ANP32B: variants seen among roughly 807,000 people sequenced by gnomAD.
ANP32B encodes the protein acidic leucine-rich nuclear phosphoprotein 32 family member B.
A neutral mutation model predicts 32.2 loss-of-function variants in ANP32B; 6 were observed. The observed-to-expected ratio is 0.19, with a 90% CI of 0.10 to 0.37. ANP32B has a LOEUF of 0.37. ANP32B is among the 10% of genes least tolerant of loss of function. The probability of loss-of-function intolerance (pLI) is 1.00; values close to 1 mark genes in which losing one functional copy is unlikely to be tolerated. For missense variants in ANP32B, 204 were observed against 289.2 expected, an observed-to-expected ratio of 0.71 and a Z score of 2.14; for synonymous variants, 98 against 105.8, an observed-to-expected ratio of 0.93 and a Z score of 0.45.
intron 2 of ANP32B, among the ~76,000 whole-genome samples, chr9:97,996,542 CATGA>C (rs1172828430): frequency 6.6e-6 from 1 of 152,130 alleles, no homozygotes. Flanking sequence ...TGAGTGTACT[CATGA>C]TTGATAAGAA....
At chr9:97,989,356 A>G (rs1827787809) in intron 1 of ANP32B, among the ~76,000 whole-genome samples, 1 of 152,188 alleles carries the variant, frequency 6.6e-6, no homozygotes. Context: ...TGAGTTAAGT[A>G]GGAGGTAGTA....
chr9:97,985,073 C>G (rs1302338703), intron 1 of ANP32B, among the ~76,000 whole-genome samples: 5 of 150,482 alleles, frequency 3.3e-5, no homozygotes, highest in Non-Finnish European at 6.0e-5. Flanking sequence ...CGAGCCCCCC[C>G]CCCGCCGCGG....
chr9:97,994,308 T>A (rs1827872709), intron 1 of ANP32B, among the ~76,000 whole-genome samples: 1 of 152,120 alleles, frequency 6.6e-6, no homozygotes. Flanking sequence ...AAGCTGCCCT[T>A]TGGGGAACAG....
At chr9:98,014,516 G>A (rs1040129166) in intron 6 of ANP32B, among the ~76,000 whole-genome samples, 1 of 152,068 alleles carries the variant, frequency 6.6e-6, no homozygotes, top group African/African-American at 2.4e-5. Context: ...AAGTCTCTGT[G>A]TCTCGACTAC....
intron 4 of ANP32B, among the ~76,000 whole-genome samples, chr9:98,005,488 C>T (rs1365975240): frequency 2.6e-5 from 4 of 151,942 alleles, no homozygotes; most frequent in Non-Finnish European, 4.4e-5. Flanking sequence ...TTCCCCACTG[C>T]ACTCCGTCTC....
chr9:98,015,546 C>A lies in ANP32B; in HGVS notation c.*115C>A. ...GCTGTGATACAAACCCCAGGACACC[C>A]ACCCACCCAAAGAGCCAAAGAATAG... On this transcript the variant is annotated 3_prime_UTR_variant, in exon 7 of 7. Coordinates refer to ENST00000339399, the MANE Select transcript of ANP32B (RefSeq NM_006401.3). The A allele has an allele frequency of 7.1e-7, 1 of 1,417,550 alleles. No individual in the cohort carries two copies. The highest frequency in any genetic ancestry group is 2.6e-5 in the East Asian group (1 of 38,616). 87.8% of individuals were successfully genotyped at this position (1,417,550 alleles called of 1,614,324 possible).
At chr9:97,990,033 T>A (rs1827797433) in intron 1 of ANP32B, among the ~76,000 whole-genome samples, 1 of 152,202 alleles carries the variant, frequency 6.6e-6, no homozygotes, top group African/African-American at 2.4e-5. Context: ...CTTTTGGCCC[T>A]AAGAAAAGAA....
intron 2 of ANP32B, among the ~76,000 whole-genome samples, chr9:97,996,425 T>G (rs1195430171): frequency 1.3e-5 from 2 of 152,198 alleles, no homozygotes; most frequent in African/African-American, 2.4e-5. Context: ...TTGTTGGTTT[T>G]GGGTGGGAGG....
At chr9:98,013,355 G>A (rs2131593555) in intron 6 of ANP32B, among the ~76,000 whole-genome samples, 1 of 152,218 alleles carries the variant, frequency 6.6e-6, no homozygotes, top group Non-Finnish European at 1.5e-5. Context: ...TGTGTTTTTA[G>A]GACCAGTCAT....
chr9:97,997,336 GACC>G (rs1376549471), intron 2 of ANP32B, among the ~76,000 whole-genome samples: 4 of 152,042 alleles, frequency 2.6e-5, no homozygotes, highest in African/African-American at 9.7e-5. Flanking sequence ...TTAAGCAGCT[GACC>G]TGTTTTTTTA....
At chr9:97,998,707 A>C (rs770733850) in intron 3 of ANP32B, 29 bp downstream of exon 3, 1 of 1,525,716 alleles carries the variant, frequency 6.6e-7, no homozygotes, top group Admixed American at 2.2e-5. Flanking sequence ...GGAAACTGGA[A>C]CTTACTGGTC....
At chr9:98,012,928 C>T (rs925135079) in intron 6 of ANP32B, among the ~76,000 whole-genome samples, 1 of 152,186 alleles carries the variant, frequency 6.6e-6, no homozygotes, top group East Asian at 1.9e-4. Context: ...GACGGGGTTT[C>T]ACCGTGTTAG....
intron 4 of ANP32B, among the ~76,000 whole-genome samples, chr9:98,009,705 G>GT (rs2131591591): frequency 6.6e-6 from 1 of 152,390 alleles, no homozygotes; most frequent in South Asian, 2.1e-4. Flanking sequence ...AGTCCTGGGA[G>GT]TTGGGAACCC....
intron 1 of ANP32B, among the ~76,000 whole-genome samples, chr9:97,985,143 C>T (rs867964969): frequency 6.6e-6 from 1 of 151,596 alleles, no homozygotes; most frequent in African/African-American, 2.4e-5. Flanking sequence ...GGCTTTCCCG[C>T]GGAGGGCGGC....
At chr9:97,996,021 T>G (rs1348163255) in intron 2 of ANP32B, among the ~76,000 whole-genome samples, 1 of 151,860 alleles carries the variant, frequency 6.6e-6, no homozygotes, top group Non-Finnish European at 1.5e-5. Context: ...GTTTAGGTAA[T>G]ATTAAATGCT....
chr9:97,996,577 A>G (rs1346258186), intron 2 of ANP32B, among the ~76,000 whole-genome samples: 1 of 152,154 alleles, frequency 6.6e-6, no homozygotes, highest in East Asian at 1.9e-4. Flanking sequence ...TTCCTATTCC[A>G]GAACACAAAT....
chr9:97,984,124 C>T (rs565902586), intron 1 of ANP32B, among the ~76,000 whole-genome samples: 22 of 149,982 alleles, frequency 1.5e-4, no homozygotes, highest in African/African-American at 5.3e-4. Flanking sequence ...GGGCGCCGGC[C>T]CGGCCGAGGT....
At chr9:98,014,438 T>C (rs148307673) in intron 6 of ANP32B, among the ~76,000 whole-genome samples, 43 of 152,204 alleles carry the variant, frequency 2.8e-4, no homozygotes, top group Non-Finnish European at 3.7e-4. Flanking sequence ...TGAAATATGA[T>C]TTAACATATA....
At chr9:97,984,006 G>A (rs549902713) in intron 1 of ANP32B, among the ~76,000 whole-genome samples, 2,075 of 150,394 alleles carry the variant, frequency 0.014, 46 homozygotes, top group African/African-American at 0.048. Flanking sequence ...CCGAGGAGCT[G>A]CGCGGCCATC....
Sources: gnomAD v4.1 joint callset for allele counts (sites outside exome capture counted in the v4.1 genomes callset) on GRCh38, gnomAD v4.1.1 for gene constraint, MANE v1.5 for transcripts, NCBI Gene and HGNC (gene_info 2026-07-23, HGNC 2026-07-21) for gene names.